The following EPHA4 variants were observed in gnomAD, a reference collection of about 807,000 sequenced individuals.
EPHA4 encodes ephrin type-A receptor 4.
Under a neutral mutation model 108.3 loss-of-function variants are expected in EPHA4, and 19 were observed. The observed-to-expected ratio is 0.18, with a 90% CI of 0.12 to 0.26. The LOEUF is 0.26. Among genes scored for constraint, EPHA4 ranks in the 10% least tolerant of loss-of-function variants. The pLI is 1.00. For missense variants in EPHA4, 917 were observed against 1,254.0 expected (o/e 0.73, Z 4.06); for synonymous variants, 449 against 455.5 (o/e 0.99, Z 0.18).
At chr2:221,526,643 T>C (rs1322077446) in intron 3 of EPHA4, among the ~76,000 whole-genome samples, 1 of 151,548 alleles carries the variant, frequency 6.6e-6, no homozygotes, top group African/African-American at 2.4e-5. Flanking sequence ...GGTCAGGAGT[T>C]CCAGACCAGC....
intron 8 of EPHA4, among the ~76,000 whole-genome samples, chr2:221,451,284 G>C (rs1485065011): frequency 2.0e-5 from 3 of 152,254 alleles, no homozygotes; most frequent in Admixed American, 2.0e-4. Flanking sequence ...ATTAATACTA[G>C]TTTGTGATGC....
chr2:221,500,053 G>A (rs893062047), intron 4 of EPHA4, among the ~76,000 whole-genome samples: 5 of 151,996 alleles, frequency 3.3e-5, no homozygotes, highest in Admixed American at 6.5e-5. Context: ...CACCGCTCCC[G>A]GCCAAAGCTA....
At chr2:221,566,332 G>A (rs974014908) in intron 2 of EPHA4, among the ~76,000 whole-genome samples, 5 of 151,958 alleles carry the variant, frequency 3.3e-5, no homozygotes, top group Non-Finnish European at 5.9e-5. Context: ...TGTCCTAACT[G>A]CAAGCAGAGA....
chr2:221,571,962 C>A lies in EPHA4; in HGVS notation c.91+196G>T, dbSNP rs2106217407. 6.6e-6 allele frequency among the ~76,000 whole-genome samples: 1 copy of A among 152,256 alleles called. No homozygotes were observed. The highest frequency in any genetic ancestry group is 6.5e-5 in the Admixed American group (1 of 15,304). ...CAGACCCGCCGCGTGCACGGGTCAC[C>A]GCCTCGGGGCAGGCTGTCCGGCGGT... On this transcript the variant is annotated intron_variant, in intron 1 of 17. Transcript: ENST00000281821. This position sits in a 1 kb window ranked among gnomAD's most constrained non-coding sequence, Gnocchi z 6.3.
At chr2:221,513,501 G>A (rs1021795263) in intron 3 of EPHA4, among the ~76,000 whole-genome samples, 1 of 152,044 alleles carries the variant, frequency 6.6e-6, no homozygotes, top group Admixed American at 6.5e-5. Context: ...CTTCTTTTTT[G>A]TTATGTTGAT....
intron 5 of EPHA4, among the ~76,000 whole-genome samples, chr2:221,474,700 T>G (rs1310241734): frequency 1.3e-5 from 2 of 152,202 alleles, no homozygotes; most frequent in African/African-American, 4.8e-5. Flanking sequence ...TTTGAAGGAT[T>G]TTAAAATGAA....
intron 5 of EPHA4, among the ~76,000 whole-genome samples, chr2:221,469,716 T>A (rs749281380): frequency 3.9e-5 from 6 of 152,142 alleles, no homozygotes; most frequent in African/African-American, 1.4e-4. Flanking sequence ...CTGAGACCAA[T>A]TCCATTAACA....
chr2:221,525,783 G>GA (rs930836280), intron 3 of EPHA4, among the ~76,000 whole-genome samples: 7 of 151,848 alleles, frequency 4.6e-5, no homozygotes, highest in African/African-American at 7.3e-5. Flanking sequence ...GAGATTCTCT[G>GA]AAAAAAAATA....
Position 221,550,866 on chromosome 2 carries a change from G to A in EPHA4, c.823+12865C>T, listed in dbSNP as rs150446409. 1.6e-3 allele frequency among the ~76,000 whole-genome samples: 246 copies of A among 151,384 alleles called. 2 individuals carry two copies. The highest frequency in any genetic ancestry group is 5.7e-3 in the African/African-American group (236 of 41,314). ...CGAGAAAAAATCTACTAATATATTAGATCTCATAAATACAAAATACAACAA... is the reference window on the plus strand; with the variant it reads ...CGAGAAAAAATCTACTAATATATTAAATCTCATAAATACAAAATACAACAA... On this transcript the variant is annotated intron_variant, in intron 3 of 17. Coordinates refer to ENST00000281821, the MANE Select transcript of EPHA4 (RefSeq NM_004438.5).
intron 5 of EPHA4, among the ~76,000 whole-genome samples, chr2:221,474,650 G>A (rs1025372): frequency 3.9e-5 from 6 of 152,048 alleles, no homozygotes; most frequent in Admixed American, 1.3e-4. Flanking sequence ...CGCAAACAAC[G>A]TTTCAGCAAA....
At chr2:221,530,504 A>C (rs867328850) in intron 3 of EPHA4, among the ~76,000 whole-genome samples, 9 of 152,338 alleles carry the variant, frequency 5.9e-5, no homozygotes, top group East Asian at 3.9e-4. Context: ...GGATGGGTGA[A>C]TCCCTGCAGC....
chr2:221,498,942 C>T (rs1054616982), intron 4 of EPHA4, among the ~76,000 whole-genome samples: 2 of 151,910 alleles, frequency 1.3e-5, no homozygotes, highest in African/African-American at 4.8e-5. Flanking sequence ...AGGCTCACAC[C>T]ACCACGCCTG....
At chr2:221,559,411 C>G (rs1288676718) in intron 3 of EPHA4, among the ~76,000 whole-genome samples, 3 of 152,122 alleles carry the variant, frequency 2.0e-5, no homozygotes, top group South Asian at 4.1e-4. Context: ...AAAAAATACA[C>G]TAATAACGAA....
At chr2:221,513,575 A>G (rs1279757713) in intron 3 of EPHA4, among the ~76,000 whole-genome samples, 1 of 152,194 alleles carries the variant, frequency 6.6e-6, no homozygotes, top group Non-Finnish European at 1.5e-5. Context: ...CCAATGCTAC[A>G]GTTATTAGCA....
At chr2:221,438,929 T>G (rs1302686558) in intron 11 of EPHA4, among the ~76,000 whole-genome samples, 3 of 152,212 alleles carry the variant, frequency 2.0e-5, no homozygotes, top group African/African-American at 7.2e-5. Context: ...CACCCAGTGA[T>G]TCCATCAGCT....
At chr2:221,570,320 C>A (rs114399910) in intron 1 of EPHA4, among the ~76,000 whole-genome samples, 391 of 150,926 alleles carry the variant, frequency 2.6e-3, no homozygotes, top group African/African-American at 9.2e-3. Flanking sequence ...TTTTCTCCCC[C>A]CCCCCCAAAA....
chr2:221,436,700 T>C (rs947183589), intron 12 of EPHA4, 92 bp from the exon 13 acceptor site: 3 of 1,283,704 alleles, frequency 2.3e-6, no homozygotes, highest in Non-Finnish European at 3.3e-6. Flanking sequence ...TTTGGGTATC[T>C]GTATCCGGTA....
At chr2:221,501,208 C>T (rs367941685) in intron 3 of EPHA4, 36 bp from the exon 4 acceptor site, 19 of 1,539,752 alleles carry the variant, frequency 1.2e-5, no homozygotes, top group South Asian at 7.6e-5. Flanking sequence ...CAAATAGAAA[C>T]CACTGCAAAT....
At chr2:221,456,429 T>C (rs1690953604) in intron 7 of EPHA4, among the ~76,000 whole-genome samples, 184 bp downstream of exon 7, 1 of 152,234 alleles carries the variant, frequency 6.6e-6, no homozygotes, top group South Asian at 2.1e-4. Flanking sequence ...AATGCTTTTC[T>C]CTAAATCACA....
Sources: allele counts gnomAD v4.1 joint callset (sites outside exome capture counted in the v4.1 genomes callset), GRCh38; gene constraint gnomAD v4.1.1; non-coding constraint Gnocchi (gnomAD v3.1); transcripts MANE v1.5; gene names NCBI Gene and HGNC (gene_info 2026-07-23, HGNC 2026-07-21).